Variants in CLSTN1 observed in about 807,000 individuals in gnomAD.
CLSTN1 encodes calsyntenin-1.
CLSTN1 carries 28 observed loss-of-function variants against 108.3 expected under a neutral mutation model. That is an observed-to-expected ratio of 0.26 (90% CI 0.19 to 0.35). The LOEUF (loss-of-function observed/expected upper bound fraction) is 0.35, where lower values mean the gene tolerates loss of function less well. Ranked by LOEUF, CLSTN1 falls within the 10% of genes least tolerant of loss-of-function variation. CLSTN1 has a pLI of 1.00. For synonymous variants in CLSTN1, 524 were observed against 534.9 expected, an observed-to-expected ratio of 0.98 and a Z score of 0.28; for missense variants, 1,157 against 1,302.6, an observed-to-expected ratio of 0.89 and a Z score of 1.72.
chr1:9,820,885 G>A (rs1655166335), intron 1 of CLSTN1, among the ~76,000 whole-genome samples: 2 of 152,180 alleles, frequency 1.3e-5, no homozygotes, highest in Non-Finnish European at 2.9e-5. Flanking sequence ...TTCAGGAAGA[G>A]AAATTATTTC....
chr1:9,793,598 A>C (rs560248718), intron 1 of CLSTN1, among the ~76,000 whole-genome samples: 1 of 151,684 alleles, frequency 6.6e-6, no homozygotes, highest in Admixed American at 6.7e-5. Flanking sequence ...TCTTGTAAGC[A>C]AAGAAGGGAG....
Position 9,823,683 on chromosome 1 carries a change from C to A in CLSTN1, c.51G>T (p.Leu17=), listed in dbSNP as rs919997492. The change falls in exon 1 of 19, where the codon CTG becomes CTT. Residue 17 remains leucine, a synonymous_variant. Transcript: ENST00000377298. The surrounding 1 kb of genome is among the most constrained non-coding windows in gnomAD (Gnocchi z 6.3). ...PALAPAARLL[L]AGLLCGGGVW... is the part of the protein sequence containing the mutation. ...CCCCGCCGCCGCACAGCAGCCCGGCCAGCAGCAGCCGGGCGGCCGGGGCCA... is the reference window on the plus strand; with the variant it reads ...CCCCGCCGCCGCACAGCAGCCCGGCAAGCAGCAGCCGGGCGGCCGGGGCCA... 8.6e-7 allele frequency: 1 copy of A among 1,164,836 alleles called. No individual in the cohort carries two copies. Among genetic ancestry groups the A allele is most frequent in the Admixed American group, 4.7e-5 (1 of 21,276 alleles). 72.2% of individuals were successfully genotyped at this position (1,164,836 alleles called of 1,614,324 possible).
intron 2 of CLSTN1, among the ~76,000 whole-genome samples, chr1:9,769,098 CGAA>C (rs1479804614): frequency 2.9e-4 from 36 of 122,440 alleles, no homozygotes; most frequent in Non-Finnish European, 1.6e-4. Flanking sequence ...AGGGAGGAAG[CGAA>C]GGAGGGAAGG....
chr1:9,763,773 T>C (rs1339948729), intron 2 of CLSTN1, among the ~76,000 whole-genome samples: 1 of 152,126 alleles, frequency 6.6e-6, no homozygotes, highest in Non-Finnish European at 1.5e-5. Flanking sequence ...CCTGGTCACC[T>C]ACCCTGGGAG....
At chr1:9,786,563 G>A (rs11806520) in intron 1 of CLSTN1, among the ~76,000 whole-genome samples, 33,777 of 147,660 alleles carry the variant, frequency 0.23, 6,809 homozygotes, top group African/African-American at 0.54. Flanking sequence ...GAATTGCTTG[G>A]ACCCGGGAGG....
chr1:9,781,183 T>C, intron 1 of CLSTN1: 1 of 792,918 alleles, frequency 1.3e-6, no homozygotes, highest in South Asian at 1.4e-5. Flanking sequence ...CATCAGTTAT[T>C]AAGGAGCTTC....
At chr1:9,746,831 T>C (rs879855767) in intron 7 of CLSTN1, among the ~76,000 whole-genome samples, 1 of 152,064 alleles carries the variant, frequency 6.6e-6, no homozygotes, top group Non-Finnish European at 1.5e-5. Context: ...ACAAGGTCAA[T>C]ACCCACCTAC....
chr1:9,822,380 G>A (rs1655220539), intron 1 of CLSTN1, among the ~76,000 whole-genome samples: 1 of 152,186 alleles, frequency 6.6e-6, no homozygotes, highest in African/African-American at 2.4e-5. Context: ...TGGAACAAAA[G>A]ATGCATTTGC....
intron 1 of CLSTN1, among the ~76,000 whole-genome samples, chr1:9,817,759 T>G (rs977320703): frequency 1.1e-4 from 17 of 152,108 alleles, no homozygotes; most frequent in African/African-American, 4.1e-4. Flanking sequence ...AATCTAATAA[T>G]AATATCCTAA....
At chr1:9,767,006 T>C (rs945368324) in intron 2 of CLSTN1, among the ~76,000 whole-genome samples, 4 of 152,252 alleles carry the variant, frequency 2.6e-5, no homozygotes, top group African/African-American at 9.6e-5. Flanking sequence ...TGAACTGGAA[T>C]GTTCACACAG....
chr1:9,814,287 C>T, intron 1 of CLSTN1, among the ~76,000 whole-genome samples: 1 of 147,800 alleles, frequency 6.8e-6, no homozygotes, highest in African/African-American at 2.5e-5. Context: ...TGGTGTGTGT[C>T]TGTAGTTCCA....
At chr1:9,803,783 C>G (rs1055036331) in intron 1 of CLSTN1, among the ~76,000 whole-genome samples, 1 of 151,832 alleles carries the variant, frequency 6.6e-6, no homozygotes, top group Admixed American at 6.6e-5. Flanking sequence ...GCCTGGGCAA[C>G]AGAGCAAGAC....
chr1:9,755,166 C>T lies in CLSTN1; in HGVS notation c.388G>A (p.Ala130Thr), dbSNP rs771792328. 11 of 1,614,084 alleles carry T rather than the reference C, an allele frequency of 6.8e-6. No individual in the cohort carries two copies. The highest frequency in any genetic ancestry group is 9.3e-6 in the Non-Finnish European group (11 of 1,179,990). Residue 130 changes from alanine to threonine, a missense_variant, in exon 4 of 19, where the codon GCC (alanine) becomes ACC (threonine). Transcript: ENST00000377298. ...TCAGGTCCCTTCCCACAATCATAGG[C>T]CTGGATGGTGAATGAATAGTCTTTC... ...LQKDYSFTIQ[A>T]YDCGKGPDGT... is the part of the protein sequence containing the mutation.
intron 4 of CLSTN1, 48 bp downstream of exon 4, chr1:9,755,066 A>G: frequency 1.9e-6 from 3 of 1,539,314 alleles, no homozygotes; most frequent in Non-Finnish European, 2.7e-6. Flanking sequence ...TTCTGCGCAC[A>G]CACGTTTACT....
At chr1:9,758,320 T>G (rs1651915580) in intron 2 of CLSTN1, among the ~76,000 whole-genome samples, 1 of 143,824 alleles carries the variant, frequency 7.0e-6, no homozygotes, top group Non-Finnish European at 1.5e-5. Flanking sequence ...ACTTGCTTCT[T>G]TTTCTTTTTT....
At chr1:9,764,777 C>A (rs1652246306) in intron 2 of CLSTN1, among the ~76,000 whole-genome samples, 1 of 152,034 alleles carries the variant, frequency 6.6e-6, no homozygotes, top group Non-Finnish European at 1.5e-5. Context: ...TTCCTAGTAT[C>A]CTTTGCCAAT....
At chr1:9,737,648 T>A in intron 10 of CLSTN1, 94 bp from the exon 11 acceptor site, 1 of 1,082,448 alleles carries the variant, frequency 9.2e-7, no homozygotes, top group Non-Finnish European at 1.4e-6. Context: ...CAACCAACTA[T>A]AAAACATGAA....
At position 9,734,073 on chromosome 1, in the gene CLSTN1, TCTCC is replaced by T; in HGVS notation, c.2176_2179del (p.Gly726ArgfsTer3). 1 of 1,614,114 alleles carries T rather than the reference TCTCC, an allele frequency of 6.2e-7. No individual in the cohort carries two copies. Among genetic ancestry groups the T allele is most frequent in the Non-Finnish European group, 8.5e-7 (1 of 1,180,030 alleles). On this transcript the variant is annotated frameshift_variant, in exon 15 of 19. Transcript: ENST00000377298. LOFTEE classifies it high-confidence loss of function. This position sits in a 1 kb window ranked among gnomAD's most constrained non-coding sequence, Gnocchi z 4.8. ...GCTCTCCTGCTCGTGGTTCAGCTCC[TCTCC>T]CTCCACCGTGACCTCACAGGTATCC... is the stretch of plus-strand genomic sequence containing the variant.
intron 1 of CLSTN1, among the ~76,000 whole-genome samples, chr1:9,785,566 G>C (rs557783051): frequency 6.6e-6 from 1 of 151,972 alleles, no homozygotes; most frequent in Non-Finnish European, 1.5e-5. Context: ...GCAGCATCCC[G>C]GCCTCAAAAC....
Sources: gnomAD v4.1 joint callset for allele counts (sites outside exome capture counted in the v4.1 genomes callset) on GRCh38, gnomAD v4.1.1 for gene constraint, Gnocchi (gnomAD v3.1) non-coding constraint, MANE v1.5 for transcripts, NCBI Gene and HGNC (gene_info 2026-07-23, HGNC 2026-07-21) for gene names.